Variants in CLIC5 observed in about 807,000 individuals in gnomAD.
CLIC5 encodes the protein chloride intracellular channel protein 5.
CLIC5 carries 20 observed loss-of-function variants against 24.7 expected under a neutral mutation model. That is an observed-to-expected ratio of 0.81 (90% CI 0.57 to 1.18). The LOEUF (loss-of-function observed/expected upper bound fraction) is 1.18. Among genes scored for constraint, CLIC5 ranks in the 50% most tolerant of loss-of-function variants. The pLI is 0.00. For missense variants in CLIC5, 341 were observed against 326.1 expected, an observed-to-expected ratio of 1.05 and a Z score of -0.35; for synonymous variants, 159 against 135.6, an observed-to-expected ratio of 1.17 and a Z score of -1.20.
chr6:45,954,155 T>C (rs954085992), intron 2 of CLIC5, among the ~76,000 whole-genome samples: 3 of 150,696 alleles, frequency 2.0e-5, no homozygotes, highest in Admixed American at 6.7e-5. Flanking sequence ...GTTTCTGTAA[T>C]CCCAGCTACT....
chr6:45,890,801 G>A (rs1331199160), intron 6 of CLIC5, among the ~76,000 whole-genome samples: 1 of 152,168 alleles, frequency 6.6e-6, no homozygotes, highest in Non-Finnish European at 1.5e-5. Context: ...AGGACATTAT[G>A]TTAAGTGAAA....
At chr6:45,940,790 C>T (rs1764102692) in intron 4 of CLIC5, among the ~76,000 whole-genome samples, 1 of 152,226 alleles carries the variant, frequency 6.6e-6, no homozygotes, top group African/African-American at 2.4e-5. Flanking sequence ...CCTGTTCCTC[C>T]TGGGCCTAAC....
At chr6:45,914,567 T>A (rs1481073938) in intron 4 of CLIC5, 158 bp from the exon 5 acceptor site, 1 of 1,250,530 alleles carries the variant, frequency 8.0e-7, no homozygotes, top group East Asian at 3.0e-5. Flanking sequence ...ATTAACACAA[T>A]GCAGTAGAAG....
the CLIC5 span, among the ~76,000 whole-genome samples, chr6:46,109,488 G>C: frequency 8.6e-6 from 1 of 116,164 alleles, no homozygotes; most frequent in Non-Finnish European, 1.6e-5. Flanking sequence ...GACCATCCTG[G>C]CCAAAATGGT....
At chr6:46,084,856 T>G (rs1469974036), upstream of CLIC5, among the ~76,000 whole-genome samples, 2 of 152,236 alleles carry the variant, frequency 1.3e-5, no homozygotes, top group Non-Finnish European at 2.9e-5. Flanking sequence ...CTGGATAATA[T>G]CCTGCAGAGT....
chr6:46,020,770 A>G (rs1057174786), upstream of CLIC5, among the ~76,000 whole-genome samples: 9 of 152,070 alleles, frequency 5.9e-5, no homozygotes, highest in African/African-American at 1.9e-4. Flanking sequence ...CACAGATACA[A>G]AAAGATAAGG....
intron 1 of CLIC5, chr6:46,014,699 G>A (rs1162901867): frequency 6.6e-6 from 1 of 152,174 alleles, no homozygotes; most frequent in East Asian, 1.9e-4. Context: ...CCGCAGCCTC[G>A]CCTCCATCCT....
chr6:45,983,027 C>T (rs1247561070), intron 1 of CLIC5, among the ~76,000 whole-genome samples: 1 of 152,126 alleles, frequency 6.6e-6, no homozygotes, highest in Non-Finnish European at 1.5e-5. Context: ...TTATGAGCTG[C>T]ACAGGGAAAA....
chr6:45,896,033 T>C (rs1462299423), downstream of CLIC5, among the ~76,000 whole-genome samples: 1 of 152,244 alleles, frequency 6.6e-6, no homozygotes, highest in Non-Finnish European at 1.5e-5. Flanking sequence ...GAGTATGCTT[T>C]ACTCTTTGCA....
At chr6:45,881,165 C>A in exon 7 of CLIC5, 2 of 398,096 alleles carry the variant, frequency 5.0e-6, no homozygotes, top group Non-Finnish European at 8.9e-6. Flanking sequence ...ACTCCATGCC[C>A]CCTTTTTTTC....
At chr6:46,107,121 T>G in the CLIC5 span, among the ~76,000 whole-genome samples, 1 of 152,252 alleles carries the variant, frequency 6.6e-6, no homozygotes, top group Non-Finnish European at 1.5e-5. Context: ...AAAGTGATTT[T>G]AAAAGTTATT....
intron 6 of CLIC5, among the ~76,000 whole-genome samples, chr6:45,882,997 G>T (rs763361179): frequency 1.4e-4 from 21 of 152,188 alleles, no homozygotes; most frequent in Non-Finnish European, 2.6e-4. Flanking sequence ...TAGTGGTGTG[G>T]CCAGAAAGTG....
intron 1 of CLIC5, among the ~76,000 whole-genome samples, chr6:46,045,316 G>A (rs540316837): frequency 6.6e-6 from 1 of 152,184 alleles, no homozygotes; most frequent in East Asian, 1.9e-4. Context: ...ACAACATATT[G>A]AAATGTACTT....
rs1766126865 is a variant in CLIC5, at chr6:45,996,082, G to A, written c.63+19398C>T. Among the ~76,000 whole-genome samples, 8 of 146,022 alleles carry A rather than the reference G, an allele frequency of 5.5e-5. No homozygotes were observed. The Admixed American group carries it at 5.6e-4, about 10-fold the overall frequency. On this transcript the variant is annotated intron_variant, in intron 1 of 5. Coordinates refer to ENST00000339561, the MANE Select transcript of CLIC5 (RefSeq NM_016929.5). ...ACCACCATGGCACATGTTTACCTATGTAACAAACCTGCACATCCTGCACAT... is the reference window on the plus strand; with the variant it reads ...ACCACCATGGCACATGTTTACCTATATAACAAACCTGCACATCCTGCACAT...
chr6:45,987,238 T>C (rs2127419882), intron 1 of CLIC5, among the ~76,000 whole-genome samples: 1 of 152,350 alleles, frequency 6.6e-6, no homozygotes, highest in South Asian at 2.1e-4. Flanking sequence ...ATAATTGTCC[T>C]GCCAGAAGTT....
chr6:45,948,622 T>C (rs920880107), intron 3 of CLIC5, among the ~76,000 whole-genome samples: 4 of 152,226 alleles, frequency 2.6e-5, no homozygotes, highest in Non-Finnish European at 5.9e-5. Flanking sequence ...CAAGTCTAGC[T>C]TGGGTAAATT....
intron 5 of CLIC5, chr6:45,912,425 T>C: frequency 1.7e-6 from 2 of 1,156,658 alleles, no homozygotes; most frequent in Non-Finnish European, 2.2e-6. Context: ...AGCCCAAGGC[T>C]TGGGAGATTC....
intron 6 of CLIC5, among the ~76,000 whole-genome samples, chr6:45,882,210 C>T (rs1259842832): frequency 1.3e-5 from 2 of 152,224 alleles, no homozygotes; most frequent in East Asian, 3.8e-4. Context: ...CTCCCAAGGG[C>T]CATGGAATGA....
At chr6:45,954,490 T>A (rs1326377324) in intron 2 of CLIC5, among the ~76,000 whole-genome samples, 1 of 151,920 alleles carries the variant, frequency 6.6e-6, no homozygotes, top group Non-Finnish European at 1.5e-5. Flanking sequence ...TCACCAGGGA[T>A]GAAGGTAGAG....
Sources: gnomAD v4.1 joint callset for allele counts (sites outside exome capture counted in the v4.1 genomes callset) on GRCh38, gnomAD v4.1.1 for gene constraint, MANE v1.5 for transcripts, NCBI Gene and HGNC (gene_info 2026-07-23, HGNC 2026-07-21) for gene names.